LIN28B: variants seen among roughly 807,000 people sequenced by gnomAD.
LIN28B encodes the protein lin-28 RNA binding posttranscriptional regulator B, also known as protein lin-28 homolog B.
Under a neutral mutation model 21.9 loss-of-function variants are expected in LIN28B, and 5 were observed. That is an observed-to-expected ratio of 0.23 (90% CI 0.12 to 0.48). LIN28B has a LOEUF of 0.48. Ranked by LOEUF, LIN28B falls within the 20% of genes least tolerant of loss-of-function variation. The pLI is 0.98. For missense variants in LIN28B, 245 were observed against 310.5 expected (o/e 0.79, Z 1.58); for synonymous variants, 109 against 111.3 (o/e 0.98, Z 0.13).
intron 3 of LIN28B, among the ~76,000 whole-genome samples, chr6:105,029,000 A>G (rs1771361156): frequency 1.3e-5 from 2 of 152,200 alleles, no homozygotes; most frequent in Non-Finnish European, 2.9e-5. Context: ...GGTATCAGGT[A>G]TGTTAAATGG....
At chr6:104,952,702 A>G (rs1166076641), upstream of LIN28B, among the ~76,000 whole-genome samples, 1 of 152,172 alleles carries the variant, frequency 6.6e-6, no homozygotes, top group African/African-American at 2.4e-5. Context: ...ATATAAAGGC[A>G]AATTTTGAAA....
chr6:105,005,038 A>T (rs1413033720), intron 2 of LIN28B, among the ~76,000 whole-genome samples: 1 of 152,188 alleles, frequency 6.6e-6, no homozygotes, highest in African/African-American at 2.4e-5. Context: ...TCCTTCATAG[A>T]AAGGGTAATG....
intron 3 of LIN28B, among the ~76,000 whole-genome samples, chr6:105,031,316 T>C (rs951755563): frequency 5.9e-5 from 9 of 152,052 alleles, no homozygotes; most frequent in Non-Finnish European, 1.0e-4. Flanking sequence ...ATTTTTTGAG[T>C]ACTTTCTTAC....
chr6:104,965,757 T>A (rs1222854447), intron 2 of LIN28B, among the ~76,000 whole-genome samples: 1 of 152,182 alleles, frequency 6.6e-6, no homozygotes, highest in Non-Finnish European at 1.5e-5. Flanking sequence ...GATATTTTGG[T>A]TTTAATAATT....
intron 2 of LIN28B, among the ~76,000 whole-genome samples, chr6:105,015,752 A>G (rs966232866): frequency 3.3e-5 from 5 of 152,182 alleles, no homozygotes; most frequent in African/African-American, 1.2e-4. Flanking sequence ...CAAGAAATGA[A>G]AATTAGTTCT....
chr6:105,024,735 G>T (rs1771252493), intron 2 of LIN28B, among the ~76,000 whole-genome samples: 1 of 152,028 alleles, frequency 6.6e-6, no homozygotes, highest in South Asian at 2.1e-4. Context: ...ACAATGAATG[G>T]TCTCCTTTTG....
intron 3 of LIN28B, among the ~76,000 whole-genome samples, chr6:105,037,849 T>C (rs896484603): frequency 6.6e-6 from 1 of 152,086 alleles, no homozygotes; most frequent in Non-Finnish European, 1.5e-5. Flanking sequence ...AAGAGATGTT[T>C]CTTTTTTTTG....
rs144813272 is a variant in LIN28B, at chr6:105,078,815, C to T, written c.*32C>T. On this transcript the variant is annotated 3_prime_UTR_variant, in exon 4 of 4. Transcript: ENST00000345080. ...TTCTTCATATGTTCTTTCCTTTACC[C>T]GGTTGCAAAGTCTACCTCATGCAAG... The T allele has an allele frequency of 1.2e-4, 195 of 1,586,872 alleles. 1 individual carries two copies. The East Asian group carries it at 2.2e-3, about 18-fold the overall frequency.
At position 104,986,880 on chromosome 6, in the gene LIN28B, G is replaced by A. The variant is rs1035325228; in HGVS notation, c.198+28594G>A. ...ACCCTCATTTACAACTCACCAATCCGAGCTTGCCAGCTCCCCACACACTTA... is the reference window on the plus strand; with the variant it reads ...ACCCTCATTTACAACTCACCAATCCAAGCTTGCCAGCTCCCCACACACTTA... On this transcript the variant is annotated intron_variant, in intron 2 of 3. Transcript: ENST00000345080. Among the ~76,000 whole-genome samples the A allele has an allele frequency of 4.6e-5, 7 of 152,248 alleles. No individual in the cohort carries two copies. The South Asian group carries it at 8.3e-4, about 18-fold the overall frequency.
intron 2 of LIN28B, among the ~76,000 whole-genome samples, chr6:105,009,805 T>A (rs1770886203): frequency 6.6e-6 from 1 of 152,244 alleles, no homozygotes; most frequent in African/African-American, 2.4e-5. Context: ...TTTGTTGATG[T>A]CTATATCATT....
At chr6:104,964,955 C>G (rs1769826097) in intron 2 of LIN28B, among the ~76,000 whole-genome samples, 1 of 152,050 alleles carries the variant, frequency 6.6e-6, no homozygotes, top group South Asian at 2.1e-4. Context: ...TAATACCTAA[C>G]TTTTAAAGTT....
intron 1 of LIN28B, among the ~76,000 whole-genome samples, 166 bp from the exon 2 acceptor site, chr6:104,957,933 C>A (rs2114565446): frequency 6.6e-6 from 1 of 151,866 alleles, no homozygotes; most frequent in South Asian, 2.1e-4. Flanking sequence ...TAACCCTTTT[C>A]ATTTTAAGTA....
At chr6:105,043,588 G>T (rs544249796) in intron 3 of LIN28B, among the ~76,000 whole-genome samples, 3 of 140,768 alleles carry the variant, frequency 2.1e-5, no homozygotes, top group East Asian at 2.0e-4. Flanking sequence ...TTTGTTTATG[G>T]TTTTTTTTTT....
rs546236986 is a variant in LIN28B, at chr6:104,945,941, A to C, written c.19-4520A>C. On this transcript the variant is annotated intron_variant, in intron 2 of 5. Coordinates refer to the LIN28B transcript ENST00000635857. ...TTACAGTATTTGAAGAGAATGATAG[A>C]GGTGTCCATATCTTATATGAAACAA... 1.2e-4 allele frequency among the ~76,000 whole-genome samples: 18 copies of C among 152,162 alleles called. No homozygotes were observed. In the East Asian group the frequency reaches 2.9e-3, roughly 24 times the overall value.
At chr6:105,019,601 C>G (rs1368516883) in intron 2 of LIN28B, among the ~76,000 whole-genome samples, 1 of 152,170 alleles carries the variant, frequency 6.6e-6, no homozygotes, top group African/African-American at 2.4e-5. Context: ...CTCGTTCTTA[C>G]CCTTCATCAT....
chr6:105,036,966 G>T (rs1771534147), intron 3 of LIN28B, among the ~76,000 whole-genome samples: 1 of 150,674 alleles, frequency 6.6e-6, no homozygotes, highest in Non-Finnish European at 1.5e-5. Flanking sequence ...TATTAAGTAT[G>T]TAGATGTTTA....
chr6:105,027,263 T>A (rs1771304595), intron 3 of LIN28B, among the ~76,000 whole-genome samples: 1 of 152,106 alleles, frequency 6.6e-6, no homozygotes, highest in Admixed American at 6.6e-5. Context: ...CAGAAATGAT[T>A]AGCGGGCCAG....
At chr6:104,972,832 C>T (rs897448984) in intron 2 of LIN28B, among the ~76,000 whole-genome samples, 10 of 151,790 alleles carry the variant, frequency 6.6e-5, no homozygotes, top group Non-Finnish European at 2.9e-5. Context: ...CAAATGAGGC[C>T]GGGTATGGTG....
At chr6:105,046,780 T>G (rs1159233433) in intron 3 of LIN28B, among the ~76,000 whole-genome samples, 1 of 152,188 alleles carries the variant, frequency 6.6e-6, no homozygotes, top group Non-Finnish European at 1.5e-5. Flanking sequence ...ATGATGAGCG[T>G]TTTTTCATGT....
Sources: gnomAD v4.1 joint callset for allele counts (sites outside exome capture counted in the v4.1 genomes callset) on GRCh38, gnomAD v4.1.1 for gene constraint, MANE v1.5 for transcripts, NCBI Gene and HGNC (gene_info 2026-07-23, HGNC 2026-07-21) for gene names.